Variants in TMPRSS15 observed in about 807,000 individuals in gnomAD.
The protein encoded by TMPRSS15 is transmembrane serine protease 15.
TMPRSS15 carries 128 observed loss-of-function variants against 125.3 expected under a neutral mutation model. That is an observed-to-expected ratio of 1.02 (90% CI 0.89 to 1.18). The LOEUF (loss-of-function observed/expected upper bound fraction) is 1.18, where lower values mean the gene tolerates loss of function less well. Among genes scored for constraint, TMPRSS15 ranks in the 50% most tolerant of loss-of-function variants. The pLI is 0.00. For missense variants in TMPRSS15, 1,283 were observed against 1,212.7 expected (o/e 1.06, Z -0.86); for synonymous variants, 446 against 423.2 (o/e 1.05, Z -0.66).
intron 1 of TMPRSS15, among the ~76,000 whole-genome samples, chr21:18,464,982 C>T (rs971320097): frequency 6.6e-6 from 1 of 152,094 alleles, no homozygotes; most frequent in African/African-American, 2.4e-5. Context: ...GGCCAATATC[C>T]CTGATGAACA....
intron 21 of TMPRSS15, among the ~76,000 whole-genome samples, chr21:18,281,939 T>C (rs2146873326): frequency 6.6e-6 from 1 of 151,300 alleles, no homozygotes; most frequent in Non-Finnish European, 1.5e-5. Flanking sequence ...CTACTAAAAA[T>C]ACAAAAAATC....
intron 13 of TMPRSS15, among the ~76,000 whole-genome samples, chr21:18,332,562 C>T (rs2075355890): frequency 6.6e-6 from 1 of 152,002 alleles, no homozygotes; most frequent in African/African-American, 2.4e-5. Context: ...TGACACCAGT[C>T]AGAATGGCTA....
At chr21:18,294,506 A>T (rs2074878592) in intron 20 of TMPRSS15, 62 bp from the exon 21 acceptor site, 2 of 1,607,696 alleles carry the variant, frequency 1.2e-6, no homozygotes, top group Non-Finnish European at 1.7e-6. Context: ...TGATGGTGAA[A>T]ATTGAGTGGT....
intron 18 of TMPRSS15, among the ~76,000 whole-genome samples, chr21:18,310,979 TG>T (rs113465511): frequency 0.36 from 53,057 of 146,934 alleles, 13,676 homozygotes; most frequent in African/African-American, 0.71. Context: ...GAACATTCAC[TG>T]GGGGGGAAGA....
intron 1 of TMPRSS15, among the ~76,000 whole-genome samples, chr21:18,453,914 A>G (rs1005917205): frequency 6.6e-6 from 1 of 152,236 alleles, no homozygotes; most frequent in Non-Finnish European, 1.5e-5. Context: ...CAAATTCTGC[A>G]ATATTCCACC....
intron 14 of TMPRSS15, among the ~76,000 whole-genome samples, chr21:18,330,794 C>T (rs961635244): frequency 2.0e-5 from 3 of 151,820 alleles, no homozygotes; most frequent in Non-Finnish European, 4.4e-5. Context: ...GTCTTCAGGC[C>T]GGGCACGGTG....
At chr21:18,433,743 C>T (rs919589791) in intron 1 of TMPRSS15, among the ~76,000 whole-genome samples, 4 of 150,522 alleles carry the variant, frequency 2.7e-5, no homozygotes, top group African/African-American at 9.8e-5. Context: ...TGGTAAGGGC[C>T]GAGTATGTTC....
chr21:18,287,955 C>T (rs2074785492), intron 21 of TMPRSS15, among the ~76,000 whole-genome samples: 1 of 152,022 alleles, frequency 6.6e-6, no homozygotes, highest in Non-Finnish European at 1.5e-5. Context: ...AATAGAGCTA[C>T]CATTTGATCT....
intron 1 of TMPRSS15, among the ~76,000 whole-genome samples, chr21:18,420,888 G>A (rs936844170): frequency 3.3e-5 from 5 of 152,154 alleles, no homozygotes; most frequent in African/African-American, 1.2e-4. Flanking sequence ...TTTCAAAAGT[G>A]TATGGCTTTA....
intron 3 of TMPRSS15, among the ~76,000 whole-genome samples, chr21:18,394,090 T>C (rs2824801): frequency 0.085 from 12,997 of 152,236 alleles, 608 homozygotes; most frequent in African/African-American, 0.11. Context: ...TTTTCCAGTA[T>C]CTCTTTAATA....
At chr21:18,371,619 A>G (rs771297708) in intron 6 of TMPRSS15, among the ~76,000 whole-genome samples, 1 of 152,230 alleles carries the variant, frequency 6.6e-6, no homozygotes, top group Non-Finnish European at 1.5e-5. Context: ...AATGAAACAC[A>G]GAAGTTTTAC....
chr21:18,355,559 T>A (rs907347302), intron 8 of TMPRSS15, among the ~76,000 whole-genome samples: 13 of 151,774 alleles, frequency 8.6e-5, no homozygotes, highest in Non-Finnish European at 1.6e-4. Flanking sequence ...AAGCCATGTA[T>A]TTCACAAATC....
intron 3 of TMPRSS15, among the ~76,000 whole-genome samples, chr21:18,394,203 A>T (rs2076013687): frequency 6.6e-6 from 1 of 152,098 alleles, no homozygotes; most frequent in East Asian, 1.9e-4. Context: ...TCTTTATTCT[A>T]CTATAGGGGG....
intron 1 of TMPRSS15, among the ~76,000 whole-genome samples, chr21:18,467,795 A>G (rs543752263): frequency 6.6e-6 from 1 of 152,256 alleles, no homozygotes; most frequent in South Asian, 2.1e-4. Context: ...GATATTTTAT[A>G]ATATTGTCCT....
chr21:18,283,927 G>C (rs2074733122), intron 21 of TMPRSS15, among the ~76,000 whole-genome samples: 1 of 152,056 alleles, frequency 6.6e-6, no homozygotes, highest in South Asian at 2.1e-4. Context: ...ATTATTTTAA[G>C]GACTTGAGTA....
chr21:18,383,514 A>T, intron 4 of TMPRSS15, 113 bp downstream of exon 4: 7 of 1,256,464 alleles, frequency 5.6e-6, no homozygotes, highest in Non-Finnish European at 7.9e-6. Flanking sequence ...CACCTCAGGC[A>T]ATAAGACATG....
intron 23 of TMPRSS15, among the ~76,000 whole-genome samples, chr21:18,277,309 T>A (rs1374411617): frequency 1.3e-5 from 2 of 151,940 alleles, no homozygotes; most frequent in South Asian, 2.1e-4. Context: ...ACTCAGCTTT[T>A]AAAAAAAATC....
At chr21:18,384,261 C>A (rs1254864663) in intron 3 of TMPRSS15, among the ~76,000 whole-genome samples, 1 of 152,068 alleles carries the variant, frequency 6.6e-6, no homozygotes, top group Non-Finnish European at 1.5e-5. Context: ...AAGCTTATGG[C>A]AACTAATCTA....
At chr21:18,462,547 T>C (rs1308552311) in intron 1 of TMPRSS15, among the ~76,000 whole-genome samples, 1 of 148,438 alleles carries the variant, frequency 6.7e-6, no homozygotes, top group African/African-American at 2.6e-5. Flanking sequence ...TTGAATAACA[T>C]TGTTAAAATA....
Sources: allele counts gnomAD v4.1 joint callset (sites outside exome capture counted in the v4.1 genomes callset), GRCh38; gene constraint gnomAD v4.1.1; transcripts MANE v1.5; gene names NCBI Gene and HGNC (gene_info 2026-07-23, HGNC 2026-07-21).